Variants in SERPINF2 observed in about 807,000 individuals in gnomAD.
The protein encoded by SERPINF2 is serpin family F member 2.
A neutral mutation model predicts 45.0 loss-of-function variants in SERPINF2; 15 were observed. The observed-to-expected ratio is 0.33, with a 90% CI of 0.22 to 0.51. SERPINF2 has a LOEUF of 0.51. Ranked by LOEUF, SERPINF2 falls within the 20% of genes least tolerant of loss-of-function variation. The pLI is 0.97. For synonymous variants in SERPINF2, 283 were observed against 277.9 expected, an observed-to-expected ratio of 1.02 and a Z score of -0.18; for missense variants, 518 against 637.4, an observed-to-expected ratio of 0.81 and a Z score of 2.02.
chr17:1,746,389 T>C (rs937405582), intron 5 of SERPINF2, among the ~76,000 whole-genome samples: 3 of 151,594 alleles, frequency 2.0e-5, no homozygotes, highest in Non-Finnish European at 2.9e-5. Context: ...TCTCAGGGAC[T>C]GGGCCGGGGA....
intron 1 of SERPINF2, among the ~76,000 whole-genome samples, chr17:1,743,715 C>CAAAAAAA (rs61163841): frequency 5.9e-5 from 2 of 33,740 alleles, no homozygotes; most frequent in Non-Finnish European, 6.8e-5. Context: ...AACTCCATCT[C>CAAAAAAA]AAAAAAAAAA....
chr17:1,754,670 T>G lies in SERPINF2; in HGVS notation c.*136T>G. 3.0e-5 allele frequency: 10 copies of G among 337,810 alleles called. No individual in the cohort carries two copies. The highest frequency in any genetic ancestry group is 6.7e-5 in the East Asian group (1 of 14,864). The allele number at this position is 337,810 out of a possible 1,614,324, so 20.9% of individuals were successfully genotyped here. On this transcript the variant is annotated 3_prime_UTR_variant, in exon 10 of 10. Coordinates refer to ENST00000453066, the MANE Select transcript of SERPINF2 (RefSeq NM_000934.4). The stretch of plus-strand genomic sequence containing the variant: ...AGAGGCCATTCTTTCCCAACACCTC[T>G]TGGGGAGTTTAGGGTGGGGGGGGGG...
intron 9 of SERPINF2, 110 bp downstream of exon 9, chr17:1,752,900 C>G: frequency 1.1e-6 from 1 of 947,012 alleles, no homozygotes; most frequent in Non-Finnish European, 1.6e-6. Flanking sequence ...GTGTCCTGCT[C>G]TTTTCCAGGG....
At chr17:1,752,823 T>G (rs1906510222) in intron 9 of SERPINF2, 33 bp downstream of exon 9, 1 of 1,567,032 alleles carries the variant, frequency 6.4e-7, no homozygotes, top group Non-Finnish European at 8.7e-7. Flanking sequence ...GCCCCCGAGG[T>G]CAGGCTGGGC....
chr17:1,746,436 T>TC (rs1195441292), intron 5 of SERPINF2, among the ~76,000 whole-genome samples: 1 of 151,046 alleles, frequency 6.6e-6, no homozygotes. Flanking sequence ...TGATTTTTTT[T>TC]TTTTTTTTGA....
At chr17:1,747,264 G>A (rs199699610) in intron 6 of SERPINF2, 45 bp from the exon 7 acceptor site, 2 of 1,611,536 alleles carry the variant, frequency 1.2e-6, no homozygotes, top group East Asian at 2.2e-5. Flanking sequence ...GTGTCTGGCT[G>A]TGGAGCCTGG....
At chr17:1,746,768 T>C (rs1012437657) in intron 5 of SERPINF2, among the ~76,000 whole-genome samples, 3 of 152,146 alleles carry the variant, frequency 2.0e-5, no homozygotes, top group Non-Finnish European at 4.4e-5. Context: ...AGCTACACTC[T>C]TTCCCACTGT....
At chr17:1,750,442 C>G (rs561211994) in intron 8 of SERPINF2, among the ~76,000 whole-genome samples, 154 of 152,114 alleles carry the variant, frequency 1.0e-3, no homozygotes, top group African/African-American at 3.6e-3. Context: ...CCACCGTGCC[C>G]GGCCAATTTT....
chr17:1,748,128 G>A (rs961419511), intron 7 of SERPINF2, among the ~76,000 whole-genome samples: 5 of 151,958 alleles, frequency 3.3e-5, no homozygotes, highest in Non-Finnish European at 5.9e-5. Context: ...TGAAACCCCC[G>A]TCTCTGCTAA....
In SERPINF2 at chr17:1,747,369, T is replaced by G; in HGVS notation, c.572T>G (p.Val191Gly). 1 of 1,614,136 alleles carries G rather than the reference T, an allele frequency of 6.2e-7. No homozygotes were observed. Among genetic ancestry groups the G allele is most frequent in the Non-Finnish European group, 8.5e-7 (1 of 1,180,050 alleles). ...GAACAGCTATTTGGGGCAAAGCCCG[T>G]GAGCCTGACGGGAAAGCAGGAAGAT... ...QSEQLFGAKP[V>G]SLTGKQEDDL... Residue 191 changes from valine (V) to glycine (G), a missense_variant, in exon 7 of 10, where the codon GTG (valine) becomes GGG (glycine). Physicochemically the swap from Val to Gly is moderately radical, Grantham distance 109. Around this residue, in one of 2 missense-constraint regions of SERPINF2, gnomAD observed 435 missense variants for 577.3 expected, o/e 0.75. Coordinates refer to ENST00000453066, the MANE Select transcript of SERPINF2 (RefSeq NM_000934.4).
In SERPINF2 at chr17:1,752,747, T is replaced by C; in HGVS notation, c.1020T>C (p.Tyr340=). The C allele has an allele frequency of 1.9e-6, 3 of 1,613,854 alleles. No homozygotes were observed. Among genetic ancestry groups the C allele is most frequent in the Non-Finnish European group, 2.5e-6 (3 of 1,179,976 alleles). The change falls in exon 9 of 10, where the codon TAT becomes TAC. Residue 340 remains tyrosine, a synonymous_variant. Coordinates refer to ENST00000453066, the MANE Select transcript of SERPINF2 (RefSeq NM_000934.4). ...RPTKVRLPKL[Y]LKHQMDLVAT... is the part of the protein sequence containing the mutation. Reference sequence around the variant, plus strand: ...CCAAGGTCCGGCTGCCTAAGCTGTATCTGAAACACCAAATGGACCTGGTGG... The same window carrying C: ...CCAAGGTCCGGCTGCCTAAGCTGTACCTGAAACACCAAATGGACCTGGTGG...
At chr17:1,746,908 G>C (rs914373277) in intron 5 of SERPINF2, 111 bp from the exon 6 acceptor site, 1 of 1,373,052 alleles carries the variant, frequency 7.3e-7, no homozygotes, top group Non-Finnish European at 9.9e-7. Context: ...TGGAAGGATG[G>C]CGTGTGGTCC....
chr17:1,749,643 G>A (rs1461560181), intron 8 of SERPINF2, among the ~76,000 whole-genome samples: 1 of 152,102 alleles, frequency 6.6e-6, no homozygotes. Context: ...CAGGTCATCT[G>A]CCCACCTCGG....
intron 7 of SERPINF2, 53 bp from the exon 8 acceptor site, chr17:1,748,545 C>G (rs1906081117): frequency 6.2e-7 from 1 of 1,604,238 alleles, no homozygotes; most frequent in Non-Finnish European, 8.5e-7. Context: ...CCCCTGCCCT[C>G]TGCCCCAAGC....
Position 1,748,750 on chromosome 17 carries a change from G to T in SERPINF2, c.858+10G>T. On this transcript the variant is annotated intron_variant, in intron 8 of 9. Transcript: ENST00000453066. ...GCAGCCTGAGATCCAGGTCACCCTTGGTTGTCCAGCAGGCTGGGCCTGAGG... is the reference window on the plus strand; with the variant it reads ...GCAGCCTGAGATCCAGGTCACCCTTTGTTGTCCAGCAGGCTGGGCCTGAGG... The T allele has an allele frequency of 7.4e-7, 1 of 1,348,466 alleles. No individual in the cohort carries two copies. Among genetic ancestry groups the T allele is most frequent in the Non-Finnish European group, 1.1e-6 (1 of 938,736 alleles). The allele number at this position is 1,348,466 out of a possible 1,614,324, so 83.5% of individuals were successfully genotyped here.
intron 8 of SERPINF2, among the ~76,000 whole-genome samples, chr17:1,750,244 G>A (rs1171202583): frequency 1.3e-5 from 2 of 152,142 alleles, no homozygotes; most frequent in South Asian, 4.1e-4. Flanking sequence ...TACCTCCCGG[G>A]TTCAAGGGAT....
intron 8 of SERPINF2, among the ~76,000 whole-genome samples, chr17:1,752,336 G>A (rs1199303944): frequency 6.6e-6 from 1 of 152,114 alleles, no homozygotes. Flanking sequence ...GATTACAGGC[G>A]TGAGCCCCCA....
Position 1,754,691 on chromosome 17 carries a change from G to C in SERPINF2, c.*157G>C, listed in dbSNP as rs1362270254. ...CCTCTTGGGGAGTTTAGGGTGGGGG[G>C]GGGGCGCGGCTGGGAGGAGGGCAGG... On this transcript the variant is annotated 3_prime_UTR_variant, in exon 10 of 10. Coordinates refer to ENST00000453066, the MANE Select transcript of SERPINF2 (RefSeq NM_000934.4). 10 of 439,408 alleles carry C rather than the reference G, an allele frequency of 2.3e-5. 2 individuals are homozygous for C. Among genetic ancestry groups the C allele is most frequent in the Admixed American group, 8.3e-5 (2 of 24,174 alleles). 27.2% of individuals were successfully genotyped at this position (439,408 alleles called of 1,614,324 possible). A position where few individuals can be genotyped will look rare whatever the true frequency, so the allele number is the denominator to read the frequency against.
chr17:1,746,200 T>C (rs967099926), intron 5 of SERPINF2, among the ~76,000 whole-genome samples: 2 of 151,812 alleles, frequency 1.3e-5, no homozygotes, highest in African/African-American at 4.8e-5. Flanking sequence ...CACCTGTAAT[T>C]CCAGCTACTC....
Sources: allele counts gnomAD v4.1 joint callset (sites outside exome capture counted in the v4.1 genomes callset), GRCh38; gene constraint gnomAD v4.1.1; regional missense constraint gnomAD v4.1.1; transcripts MANE v1.5; gene names NCBI Gene and HGNC (gene_info 2026-07-23, HGNC 2026-07-21).